CATSPERB: variants seen among roughly 807,000 people sequenced by gnomAD.
The protein encoded by CATSPERB is catsper channel auxiliary subunit beta.
CATSPERB carries 93 observed loss-of-function variants against 128.3 expected under a neutral mutation model. That is an observed-to-expected ratio of 0.72 (90% CI 0.61 to 0.86). The LOEUF is 0.86. CATSPERB is among the 40% of genes least tolerant of loss of function. CATSPERB has a pLI of 0.00. For synonymous variants in CATSPERB, 381 were observed against 448.8 expected (o/e 0.85, Z 1.91); for missense variants, 1,153 against 1,329.5 (o/e 0.87, Z 2.06).
intron 10 of CATSPERB, among the ~76,000 whole-genome samples, chr14:91,684,764 G>A (rs138176707): frequency 0.038 from 5,769 of 151,148 alleles, 148 homozygotes; most frequent in Non-Finnish European, 0.058. Context: ...ATAGTCACAC[G>A]CCACCACGCC....
chr14:91,684,177 A>G (rs1895335277), intron 10 of CATSPERB, among the ~76,000 whole-genome samples: 1 of 152,238 alleles, frequency 6.6e-6, no homozygotes, highest in Admixed American at 6.5e-5. Context: ...ATGAATTAGC[A>G]TATGTTAATG....
At chr14:91,597,051 TA>T (rs1893519037) in intron 22 of CATSPERB, among the ~76,000 whole-genome samples, 2 of 146,886 alleles carry the variant, frequency 1.4e-5, no homozygotes, top group East Asian at 3.9e-4. Flanking sequence ...CACGCCCAGC[TA>T]ATTTTTTTTT....
At chr14:91,702,497 TC>T (rs936995968) in intron 7 of CATSPERB, among the ~76,000 whole-genome samples, 10 of 152,026 alleles carry the variant, frequency 6.6e-5, no homozygotes, top group Admixed American at 2.0e-4. Context: ...TATTTGTCTA[TC>T]CCTATACTGA....
chr14:91,709,652 T>A (rs146029192), intron 5 of CATSPERB: 1 of 140,028 alleles, frequency 7.1e-6, no homozygotes, highest in African/African-American at 2.7e-5. Context: ...AGTGAGCCAC[T>A]GCACTCCAGC....
In CATSPERB at chr14:91,684,771, C is replaced by T. The variant is rs549045521; in HGVS notation, c.865-828G>A. Among the ~76,000 whole-genome samples, 15 of 151,954 alleles carry T rather than the reference C, an allele frequency of 9.9e-5. No homozygotes were observed. In the East Asian group the frequency reaches 1.2e-3, roughly 12 times the overall value. On this transcript the variant is annotated intron_variant, in intron 10 of 26. Transcript: ENST00000256343. ...CTGGGATTATAGTCACACGCCACCA[C>T]GCCTGGCTAATTTTTTTTGTATTTT...
chr14:91,593,106 C>T (rs1008772428), intron 22 of CATSPERB, among the ~76,000 whole-genome samples: 7 of 152,212 alleles, frequency 4.6e-5, no homozygotes, highest in African/African-American at 1.4e-4. Context: ...GTTTGGGAAC[C>T]TCTGCCTAGA....
intron 15 of CATSPERB, among the ~76,000 whole-genome samples, chr14:91,652,504 CAA>C (rs536896278): frequency 0.24 from 26,218 of 111,532 alleles, 2,698 homozygotes; most frequent in African/African-American, 0.29. Context: ...ACTAACAATA[CAA>C]AAAAAAAAAA....
chr14:91,609,664 C>CTA (rs1893784859), intron 21 of CATSPERB, among the ~76,000 whole-genome samples: 1 of 152,068 alleles, frequency 6.6e-6, no homozygotes, highest in Non-Finnish European at 1.5e-5. Context: ...AGACTAGTAT[C>CTA]TATATATATT....
chr14:91,694,885 T>G (rs1895534120), intron 7 of CATSPERB, among the ~76,000 whole-genome samples: 1 of 152,134 alleles, frequency 6.6e-6, no homozygotes, highest in Non-Finnish European at 1.5e-5. Flanking sequence ...ACTACTGGGC[T>G]GGGGAGGAGG....
intron 5 of CATSPERB, among the ~76,000 whole-genome samples, chr14:91,711,016 T>C (rs146049215): frequency 8.3e-4 from 126 of 152,218 alleles, no homozygotes; most frequent in African/African-American, 2.9e-3. Flanking sequence ...TGACCAAATA[T>C]AATGCTTGTC....
chr14:91,703,013 T>A (rs1260401253), intron 7 of CATSPERB, among the ~76,000 whole-genome samples: 2 of 152,098 alleles, frequency 1.3e-5, no homozygotes, highest in Non-Finnish European at 2.9e-5. Flanking sequence ...TTTTATACAT[T>A]GTTATTCTAT....
intron 9 of CATSPERB, 118 bp downstream of exon 9, chr14:91,693,007 GA>G: frequency 1.4e-6 from 1 of 737,374 alleles, no homozygotes; most frequent in South Asian, 1.9e-5. Flanking sequence ...TATGTTTTTC[GA>G]AAGAAAGAAG....
At chr14:91,695,846 G>C (rs1432004407) in intron 7 of CATSPERB, among the ~76,000 whole-genome samples, 2 of 152,216 alleles carry the variant, frequency 1.3e-5, no homozygotes, top group Non-Finnish European at 2.9e-5. Flanking sequence ...TTTTAGCAGA[G>C]AAGTGAGGTG....
chr14:91,717,519 T>C (rs1349081495), intron 5 of CATSPERB, among the ~76,000 whole-genome samples: 1 of 152,164 alleles, frequency 6.6e-6, no homozygotes, highest in Non-Finnish European at 1.5e-5. Context: ...AGTTAAATCA[T>C]CTGAAAATGA....
At chr14:91,673,846 G>A (rs1051103073) in intron 12 of CATSPERB, among the ~76,000 whole-genome samples, 1 of 151,316 alleles carries the variant, frequency 6.6e-6, no homozygotes. Context: ...TCATGCCACT[G>A]CGCTCCAGCC....
intron 15 of CATSPERB, among the ~76,000 whole-genome samples, chr14:91,648,996 T>G (rs1172215872): frequency 6.6e-6 from 1 of 152,014 alleles, no homozygotes; most frequent in Non-Finnish European, 1.5e-5. Flanking sequence ...TGCTTTTTTT[T>G]TTTTTCCTGT....
chr14:91,589,774 A>G (rs1163990163), intron 23 of CATSPERB, 105 bp from the exon 24 acceptor site: 13 of 1,030,280 alleles, frequency 1.3e-5, no homozygotes, highest in Non-Finnish European at 1.8e-5. Context: ...TTGGCTGTTC[A>G]ATGACATGTG....
chr14:91,699,347 C>A (rs1895609789), intron 7 of CATSPERB, among the ~76,000 whole-genome samples: 2 of 151,988 alleles, frequency 1.3e-5, no homozygotes, highest in Admixed American at 1.3e-4. Flanking sequence ...CCCTTTCCCC[C>A]ACATCCATAC....
At chr14:91,590,762 T>C (rs1893383451) in intron 23 of CATSPERB, among the ~76,000 whole-genome samples, 1 of 151,862 alleles carries the variant, frequency 6.6e-6, no homozygotes, top group Non-Finnish European at 1.5e-5. Context: ...GCCATTCTCC[T>C]GCCTTAGCCT....
Sources: gnomAD v4.1 joint callset for allele counts (sites outside exome capture counted in the v4.1 genomes callset) on GRCh38, gnomAD v4.1.1 for gene constraint, MANE v1.5 for transcripts, NCBI Gene and HGNC (gene_info 2026-07-23, HGNC 2026-07-21) for gene names.